The following LIMS1 variants were observed in gnomAD, a reference collection of about 807,000 sequenced individuals.
LIMS1 encodes the protein LIM and senescent cell antigen-like-containing domain protein 1.
LIMS1 carries 18 observed loss-of-function variants against 44.1 expected under a neutral mutation model. That is an observed-to-expected ratio of 0.41 (90% CI 0.28 to 0.61). The LOEUF is 0.61. Among genes scored for constraint, LIMS1 ranks in the 20% least tolerant of loss-of-function variants. LIMS1 has a pLI of 0.32. For synonymous variants in LIMS1, 93 were observed against 149.1 expected, an observed-to-expected ratio of 0.62 and a Z score of 2.74; for missense variants, 201 against 422.0, an observed-to-expected ratio of 0.48 and a Z score of 4.59.
Position 108,611,994 on chromosome 2 carries a change from T to TATACACATATATAAAATATATATACA in LIMS1, c.33-47611_33-47610insATACACATATATAAAATATATATACA, listed in dbSNP as rs1558809114. 7.4e-3 allele frequency among the ~76,000 whole-genome samples: 1,042 copies of TATACACATATATAAAATATATATACA among 141,292 alleles called. 21 individuals carry two copies. Among genetic ancestry groups the TATACACATATATAAAATATATATACA allele is most frequent in the African/African-American group, 0.027 (998 of 36,904 alleles). The allele number at this position is 141,292 out of a possible 152,430, so 92.7% of individuals were successfully genotyped here. On this transcript the variant is annotated intron_variant, in intron 1 of 9. Coordinates refer to ENST00000544547, the Ensembl canonical transcript of LIMS1. ...CATATATAAAATATATATACATATATTATATATACACACATATATATATAC... is the reference window on the plus strand; with the variant it reads ...CATATATAAAATATATATACATATATATACACATATATAAAATATATATACATATATATACACACATATATATATAC...
chr2:108,681,786 G>A lies in LIMS1; in HGVS notation c.899+1016G>A, dbSNP rs1052045955. 3 of 167,802 alleles carry A rather than the reference G, an allele frequency of 1.8e-5. No individual in the cohort carries two copies. The Admixed American group carries it at 2.0e-4, about 11-fold the overall frequency. 10.4% of individuals were successfully genotyped at this position (167,802 alleles called of 1,614,324 possible). ...AAAAAAAACAAATTAGCCAGGCGTG[G>A]TGGCCCATACCTATAGTCCCAGCTA... is the stretch of plus-strand genomic sequence containing the variant. On this transcript the variant is annotated intron_variant, in intron 9 of 9. Transcript: ENST00000544547.
chr2:108,611,958 T>TATACACATATATAAAATATATATACA (rs1439833875), intron 1 of LIMS1, among the ~76,000 whole-genome samples: 1,437 of 141,890 alleles, frequency 0.01, 13 homozygotes, highest in African/African-American at 0.013. Context: ...TATACATATA[T>TATACACATATATAAAATATATATACA]TATATATACA....
intron 1 of LIMS1, among the ~76,000 whole-genome samples, chr2:108,628,632 A>G (rs2148889436): frequency 1.3e-5 from 2 of 152,152 alleles, no homozygotes; most frequent in Middle Eastern, 3.4e-3. Context: ...CGCCCAGCTA[A>G]TTTTTGTATT....
chr2:108,541,389 C>G (rs1684310111), intron 1 of LIMS1, among the ~76,000 whole-genome samples: 1 of 152,208 alleles, frequency 6.6e-6, no homozygotes. Flanking sequence ...GCAGTTGCAG[C>G]TTTTGCCACA....
At chr2:108,593,544 A>T (rs1437523731) in intron 1 of LIMS1, among the ~76,000 whole-genome samples, 1 of 152,348 alleles carries the variant, frequency 6.6e-6, no homozygotes. Context: ...GATTACGTCA[A>T]TTTACAATAA....
chr2:108,551,606 A>G (rs1184137479), intron 1 of LIMS1, among the ~76,000 whole-genome samples: 7 of 139,002 alleles, frequency 5.0e-5, no homozygotes, highest in Non-Finnish European at 9.0e-5. Context: ...CTATATATAT[A>G]TGTATATATA....
intron 1 of LIMS1, among the ~76,000 whole-genome samples, chr2:108,535,165 A>G (rs1479130969): frequency 6.6e-6 from 1 of 152,246 alleles, no homozygotes; most frequent in African/African-American, 2.4e-5. Flanking sequence ...GACTTAGTAG[A>G]GACAACTACG....
chr2:108,571,247 A>G (rs1685469762), intron 1 of LIMS1, among the ~76,000 whole-genome samples: 1 of 152,206 alleles, frequency 6.6e-6, no homozygotes, highest in African/African-American at 2.4e-5. Flanking sequence ...CTAGATAACC[A>G]TTTGAGGTTA....
At chr2:108,554,695 G>A (rs1684863381) in intron 1 of LIMS1, among the ~76,000 whole-genome samples, 1 of 152,108 alleles carries the variant, frequency 6.6e-6, no homozygotes, top group South Asian at 2.1e-4. Context: ...GGCCTCTAAT[G>A]TTCAGAGCGC....
chr2:108,668,440 T>G (rs923729201), intron 2 of LIMS1, among the ~76,000 whole-genome samples: 3 of 152,208 alleles, frequency 2.0e-5, no homozygotes, highest in African/African-American at 7.2e-5. Flanking sequence ...CCTCTTTAGA[T>G]TCCACATATG....
At chr2:108,680,611 T>C (rs1692924059) in intron 8 of LIMS1, 84 bp from the exon 9 acceptor site, 2 of 1,606,178 alleles carry the variant, frequency 1.2e-6, no homozygotes, top group South Asian at 1.1e-5. Flanking sequence ...GTCGTAGTTC[T>C]GTTTTGGAGT....
At chr2:108,534,784 G>A (rs1684066651) in intron 1 of LIMS1, among the ~76,000 whole-genome samples, 190 bp downstream of exon 1, 1 of 151,890 alleles carries the variant, frequency 6.6e-6, no homozygotes, top group African/African-American at 2.4e-5. Context: ...CGGAGGAGAC[G>A]GCTGCTGTTC....
chr2:108,556,907 A>G (rs1394514404), intron 1 of LIMS1, among the ~76,000 whole-genome samples: 6 of 152,306 alleles, frequency 3.9e-5, no homozygotes, highest in African/African-American at 1.4e-4. Flanking sequence ...CTTTCTACCC[A>G]ATAAATACAA....
intron 6 of LIMS1, among the ~76,000 whole-genome samples, chr2:108,676,378 A>G (rs1339127184): frequency 2.6e-5 from 4 of 152,112 alleles, no homozygotes; most frequent in Non-Finnish European, 5.9e-5. Flanking sequence ...GCTCACCTCT[A>G]TTCTCTTTTT....
chr2:108,625,897 G>A (rs1168396758), intron 1 of LIMS1, among the ~76,000 whole-genome samples: 1 of 152,228 alleles, frequency 6.6e-6, no homozygotes, highest in East Asian at 1.9e-4. Flanking sequence ...GTTTGAGAGT[G>A]AAAACTCAGA....
chr2:108,649,580 TATCA>T (rs1238648725), intron 1 of LIMS1, among the ~76,000 whole-genome samples: 1 of 152,174 alleles, frequency 6.6e-6, no homozygotes, highest in Admixed American at 6.5e-5. Flanking sequence ...ACCAGATGCC[TATCA>T]ATCATAGACT....
At chr2:108,667,715 C>G (rs1025511715) in intron 2 of LIMS1, among the ~76,000 whole-genome samples, 1 of 151,486 alleles carries the variant, frequency 6.6e-6, no homozygotes. Flanking sequence ...AGGATTGGTT[C>G]CAGGACACCC....
chr2:108,584,209 T>A (rs72833160), intron 1 of LIMS1, among the ~76,000 whole-genome samples: 2 of 152,078 alleles, frequency 1.3e-5, no homozygotes, highest in Non-Finnish European at 2.9e-5. Context: ...CTGTGTTTGC[T>A]AAGCACTTGC....
intron 1 of LIMS1, among the ~76,000 whole-genome samples, chr2:108,626,656 A>G (rs1688593069): frequency 6.6e-6 from 1 of 152,198 alleles, no homozygotes; most frequent in African/African-American, 2.4e-5. Context: ...GGAATGAGAA[A>G]CTAAACTGGC....
Sources: allele counts gnomAD v4.1 joint callset (sites outside exome capture counted in the v4.1 genomes callset), GRCh38; gene constraint gnomAD v4.1.1; transcripts MANE v1.5; gene names NCBI Gene and HGNC (gene_info 2026-07-23, HGNC 2026-07-21).